Variants in GLIS3 observed in about 807,000 individuals in gnomAD.
The protein encoded by GLIS3 is GLIS family zinc finger 3.
In GLIS3, 53 loss-of-function variants were observed where a neutral mutation model predicts 78.6. The observed-to-expected ratio is 0.67, with a 90% confidence interval of 0.54 to 0.85. The LOEUF is 0.85. Ranked by LOEUF, GLIS3 falls within the 40% of genes least tolerant of loss-of-function variation. GLIS3 has a pLI of 0.00. For missense variants in GLIS3, 1,703 were observed against 1,231.1 expected, an observed-to-expected ratio of 1.38 and a Z score of -5.74; for synonymous variants, 684 against 509.9, an observed-to-expected ratio of 1.34 and a Z score of -4.60.
intron 8 of GLIS3, among the ~76,000 whole-genome samples, chr9:3,878,164 C>T (rs1035032995): frequency 2.6e-5 from 4 of 152,094 alleles, no homozygotes; most frequent in Non-Finnish European, 5.9e-5. Flanking sequence ...AGTCTTCCTT[C>T]AATGCCTACA....
chr9:3,956,831 T>G (rs1817144738), intron 4 of GLIS3, among the ~76,000 whole-genome samples: 1 of 152,210 alleles, frequency 6.6e-6, no homozygotes, highest in African/African-American at 2.4e-5. Flanking sequence ...TTTTTTCTTT[T>G]GCAGCTTCAC....
At chr9:4,307,503 C>G (rs974494706) in intron 4 of GLIS3, among the ~76,000 whole-genome samples, 2 of 152,026 alleles carry the variant, frequency 1.3e-5, no homozygotes, top group Non-Finnish European at 2.9e-5. Flanking sequence ...GAGGCTTTCT[C>G]TGATAGGGAG....
chr9:4,355,928 T>C, the GLIS3 span, among the ~76,000 whole-genome samples: 1 of 152,224 alleles, frequency 6.6e-6, no homozygotes, highest in South Asian at 2.1e-4. Context: ...ATGCGTTTGG[T>C]ATGGTTACAT....
At chr9:4,433,823 G>A in the GLIS3 span, among the ~76,000 whole-genome samples, 6 of 152,158 alleles carry the variant, frequency 3.9e-5, no homozygotes, top group African/African-American at 1.4e-4. Context: ...TTGGCGGGGC[G>A]CCGCTGCTCA....
intron 2 of GLIS3, among the ~76,000 whole-genome samples, chr9:4,175,586 G>C (rs141661744): frequency 6.6e-6 from 1 of 152,220 alleles, no homozygotes; most frequent in African/African-American, 2.4e-5. Flanking sequence ...ACTGCCATTC[G>C]TTACTCTCCT....
intron 2 of GLIS3, among the ~76,000 whole-genome samples, chr9:4,203,322 A>C (rs1819570584): frequency 6.6e-6 from 1 of 152,170 alleles, no homozygotes. Flanking sequence ...GTGAAAAAAA[A>C]ATCAACAGAT....
At chr9:4,001,234 G>C (rs978869666) in intron 4 of GLIS3, among the ~76,000 whole-genome samples, 1 of 152,118 alleles carries the variant, frequency 6.6e-6, no homozygotes, top group African/African-American at 2.4e-5. Flanking sequence ...AAGAGAGAAA[G>C]AATAATTACC....
chr9:3,944,471 C>A (rs1816155163), intron 4 of GLIS3, among the ~76,000 whole-genome samples: 1 of 152,304 alleles, frequency 6.6e-6, no homozygotes, highest in East Asian at 1.9e-4. Flanking sequence ...TATACCAATA[C>A]AATGCCAGAA....
At chr9:3,997,370 TA>T (rs1241104344) in intron 4 of GLIS3, among the ~76,000 whole-genome samples, 1 of 149,346 alleles carries the variant, frequency 6.7e-6, no homozygotes, top group African/African-American at 2.5e-5. Context: ...ACAATAAAAA[TA>T]AAAATAAAAT....
chr9:4,459,629 G>A, the GLIS3 span, among the ~76,000 whole-genome samples: 6 of 152,138 alleles, frequency 3.9e-5, no homozygotes, highest in Admixed American at 2.0e-4. Flanking sequence ...GCTAAGCATG[G>A]TGGTACACGC....
rs112868808 is a variant in GLIS3, at chr9:4,155,386, G to C, written c.389-29445C>G. 5.9e-4 allele frequency among the ~76,000 whole-genome samples: 90 copies of C among 152,306 alleles called. 2 individuals are homozygous for C. The highest frequency in any genetic ancestry group is 2.1e-3 in the African/African-American group (86 of 41,566). On this transcript the variant is annotated intron_variant, in intron 2 of 10. Coordinates refer to ENST00000381971, the MANE Select transcript of GLIS3 (RefSeq NM_001042413.2). ...CATGGCGCATTTTGTCCATAATCAA[G>C]TAACTTTCCCAAGCTCGTGACCTGG... is the stretch of plus-strand genomic sequence containing the variant.
chr9:3,852,006 G>T, intron 9 of GLIS3, among the ~76,000 whole-genome samples: 1 of 152,164 alleles, frequency 6.6e-6, no homozygotes, highest in Admixed American at 6.5e-5. Context: ...TTAGCTGGAT[G>T]TGGGGGCATG....
At chr9:4,386,296 A>G in the GLIS3 span, 10 of 152,332 alleles carry the variant, frequency 6.6e-5, no homozygotes, top group African/African-American at 1.4e-4. Context: ...TAGGGCTGCA[A>G]TGAACATTTT....
chr9:4,215,889 G>T (rs776009904), intron 2 of GLIS3, among the ~76,000 whole-genome samples: 1 of 152,076 alleles, frequency 6.6e-6, no homozygotes, highest in Non-Finnish European at 1.5e-5. Context: ...TTCAAAAATG[G>T]TTCAAGCAAT....
intron 2 of GLIS3, among the ~76,000 whole-genome samples, chr9:4,253,050 C>A (rs985338112): frequency 6.6e-6 from 1 of 152,238 alleles, no homozygotes; most frequent in African/African-American, 2.4e-5. Context: ...TCTCTGTCAA[C>A]CCCTGATGGG....
chr9:4,374,552 G>C, the GLIS3 span, among the ~76,000 whole-genome samples: 14 of 152,340 alleles, frequency 9.2e-5, no homozygotes, highest in African/African-American at 2.9e-4. Context: ...GCTCACACAT[G>C]GCGGCTGTCT....
chr9:4,287,439 A>G (rs1431277978), intron 1 of GLIS3, among the ~76,000 whole-genome samples: 2 of 152,214 alleles, frequency 1.3e-5, no homozygotes, highest in South Asian at 2.1e-4. Flanking sequence ...GTAAATCACT[A>G]AAGAAGGCCC....
intron 1 of GLIS3, chr9:4,348,183 T>C (rs1817918480): frequency 6.6e-6 from 1 of 152,262 alleles, no homozygotes; most frequent in Non-Finnish European, 1.5e-5. Flanking sequence ...TAGGTTTGTC[T>C]GCATGTAAGA....
At chr9:4,006,304 C>CAAAAAAAAAAA in intron 4 of GLIS3, among the ~76,000 whole-genome samples, 1 of 32,544 alleles carries the variant, frequency 3.1e-5, no homozygotes, top group South Asian at 1.2e-3. Flanking sequence ...TCATATGTCT[C>CAAAAAAAAAAA]AAAAAAAAAA....
Sources: gnomAD v4.1 joint callset for allele counts (sites outside exome capture counted in the v4.1 genomes callset) on GRCh38, gnomAD v4.1.1 for gene constraint, MANE v1.5 for transcripts, NCBI Gene and HGNC (gene_info 2026-07-23, HGNC 2026-07-21) for gene names.